The following TMCC1 variants were observed in gnomAD, a reference collection of about 807,000 sequenced individuals.
TMCC1 encodes transmembrane and coiled-coil domains protein 1.
A neutral mutation model predicts 52.4 loss-of-function variants in TMCC1; 15 were observed. The ratio of observed to expected loss-of-function variants is 0.29; its 90% CI spans 0.19 to 0.44. TMCC1 has a LOEUF of 0.44. Ranked by LOEUF, TMCC1 falls within the 20% of genes least tolerant of loss-of-function variation. TMCC1 has a pLI of 1.00. For synonymous variants in TMCC1, 279 were observed against 301.9 expected (o/e 0.92, Z 0.79); for missense variants, 503 against 806.0 (o/e 0.62, Z 4.55).
chr3:129,777,589 C>A (rs1342210761), intron 4 of TMCC1, among the ~76,000 whole-genome samples: 1 of 152,150 alleles, frequency 6.6e-6, no homozygotes, highest in Non-Finnish European at 1.5e-5. Context: ...TTTGCCCACC[C>A]CTCAAAATAC....
intron 1 of TMCC1, among the ~76,000 whole-genome samples, chr3:129,886,755 C>A (rs2061723867): frequency 6.7e-6 from 1 of 150,286 alleles, no homozygotes; most frequent in Non-Finnish European, 1.5e-5. Context: ...GCCTGGCCAA[C>A]ATGGTGAAAC....
At chr3:129,850,922 G>A (rs976989431) in intron 2 of TMCC1, among the ~76,000 whole-genome samples, 11 of 152,230 alleles carry the variant, frequency 7.2e-5, no homozygotes, top group African/African-American at 2.7e-4. Context: ...TATTGTTTGT[G>A]GTTTAAGAAT....
At chr3:129,836,717 C>T (rs2059176344) in intron 2 of TMCC1, among the ~76,000 whole-genome samples, 1 of 152,196 alleles carries the variant, frequency 6.6e-6, no homozygotes, top group African/African-American at 2.4e-5. Context: ...GAAGATTAAA[C>T]CAAAAATTCT....
At chr3:129,790,885 G>T (rs73866127) in intron 4 of TMCC1, among the ~76,000 whole-genome samples, 1,791 of 152,080 alleles carry the variant, frequency 0.012, 24 homozygotes, top group African/African-American at 0.041. Flanking sequence ...TCTGGCCAAC[G>T]AAAACAAATT....
intron 4 of TMCC1, among the ~76,000 whole-genome samples, chr3:129,753,485 G>A (rs1032802794): frequency 2.6e-5 from 4 of 152,174 alleles, no homozygotes; most frequent in Admixed American, 6.5e-5. Flanking sequence ...TATATAAAAC[G>A]GATAATTAAT....
chr3:129,822,644 C>A (rs2058474704), intron 4 of TMCC1, among the ~76,000 whole-genome samples: 1 of 152,168 alleles, frequency 6.6e-6, no homozygotes, highest in African/African-American at 2.4e-5. Flanking sequence ...AATTCTCTGG[C>A]ATGCTCAACC....
chr3:129,863,816 C>T (rs545111749), intron 2 of TMCC1, among the ~76,000 whole-genome samples: 7 of 151,812 alleles, frequency 4.6e-5, no homozygotes, highest in Admixed American at 6.6e-5. Context: ...GAGCCAAGAT[C>T]GTGCCACTGT....
intron 4 of TMCC1, among the ~76,000 whole-genome samples, chr3:129,703,380 A>ATACAAC (rs2047985076): frequency 6.6e-6 from 1 of 152,222 alleles, no homozygotes; most frequent in Non-Finnish European, 1.5e-5. Flanking sequence ...TTCTCTTAAA[A>ATACAAC]TACAACTACA....
intron 2 of TMCC1, among the ~76,000 whole-genome samples, chr3:129,837,504 G>C (rs2059214891): frequency 6.6e-6 from 1 of 152,188 alleles, no homozygotes; most frequent in African/African-American, 2.4e-5. Context: ...TGCCTGAACA[G>C]ATTAACACAA....
intron 4 of TMCC1, among the ~76,000 whole-genome samples, chr3:129,759,677 G>C (rs1270618755): frequency 8.0e-6 from 1 of 125,258 alleles, no homozygotes; most frequent in African/African-American, 3.0e-5. Flanking sequence ...AAAGCCCCCC[G>C]TCTACAGGCA....
intron 4 of TMCC1, among the ~76,000 whole-genome samples, chr3:129,790,675 ATGTCT>A (rs2056391238): frequency 3.3e-5 from 5 of 152,324 alleles, no homozygotes; most frequent in Admixed American, 6.5e-5. Context: ...TTTCTAAAGA[ATGTCT>A]AACTCACTGT....
chr3:129,796,794 T>C (rs527925145), intron 4 of TMCC1, among the ~76,000 whole-genome samples: 2 of 152,342 alleles, frequency 1.3e-5, no homozygotes, highest in South Asian at 4.1e-4. Context: ...TGAGGCATGA[T>C]GCTCCAGTCT....
intron 4 of TMCC1, among the ~76,000 whole-genome samples, chr3:129,821,138 T>C (rs1412127444): frequency 6.6e-6 from 1 of 152,180 alleles, no homozygotes; most frequent in Non-Finnish European, 1.5e-5. Flanking sequence ...CTAAGATCTA[T>C]ATTCTCTGCC....
At chr3:129,865,323 T>A (rs2060573803) in intron 2 of TMCC1, among the ~76,000 whole-genome samples, 1 of 152,038 alleles carries the variant, frequency 6.6e-6, no homozygotes, top group Non-Finnish European at 1.5e-5. Context: ...ATCATTTTTT[T>A]TTTTTTTTAT....
intron 4 of TMCC1, among the ~76,000 whole-genome samples, chr3:129,760,495 T>TGTGTGTGTGTGTGTG (rs370985390): frequency 2.8e-5 from 4 of 144,502 alleles, no homozygotes; most frequent in Admixed American, 7.0e-5. Context: ...TGTGTGTGTG[T>TGTGTGTGTGTGTGTG]TTTTGAGACA....
At chr3:129,669,142 G>T (rs2087707822) in intron 5 of TMCC1, among the ~76,000 whole-genome samples, 1 of 152,164 alleles carries the variant, frequency 6.6e-6, no homozygotes, top group Admixed American at 6.5e-5. Flanking sequence ...TCTTCTTAGA[G>T]ATAATTTATA....
At chr3:129,799,274 A>G (rs1291691967) in intron 4 of TMCC1, among the ~76,000 whole-genome samples, 2 of 152,182 alleles carry the variant, frequency 1.3e-5, no homozygotes, top group Non-Finnish European at 2.9e-5. Context: ...TTCTCCTAAA[A>G]AAACTTGTAT....
chr3:129,778,957 C>G (rs2055286135), intron 4 of TMCC1, among the ~76,000 whole-genome samples: 3 of 152,082 alleles, frequency 2.0e-5, no homozygotes, highest in African/African-American at 7.2e-5. Context: ...ATGGAGTAAC[C>G]TAACTGCACC....
At chr3:129,681,417 C>T (rs7631110) in intron 4 of TMCC1, among the ~76,000 whole-genome samples, 145,282 of 152,078 alleles carry the variant, frequency 0.96, 69,868 homozygotes, top group Non-Finnish European at 1. Context: ...CTATCTAACT[C>T]GCTAGGAGGT....
Sources: gnomAD v4.1 joint callset for allele counts (sites outside exome capture counted in the v4.1 genomes callset) on GRCh38, gnomAD v4.1.1 for gene constraint, MANE v1.5 for transcripts, NCBI Gene and HGNC (gene_info 2026-07-23, HGNC 2026-07-21) for gene names.